Variants in CHRAC1 observed in about 807,000 individuals in gnomAD.
CHRAC1 encodes the protein chromatin accessibility complex protein 1.
A neutral mutation model predicts 9.1 loss-of-function variants in CHRAC1; 6 were observed. The observed-to-expected ratio is 0.66, with a 90% CI of 0.36 to 1.29. The LOEUF is 1.29. Among genes scored for constraint, CHRAC1 ranks in the 50% most tolerant of loss-of-function variants. The probability of loss-of-function intolerance (pLI) is 0.03; values close to 1 mark genes in which losing one functional copy is unlikely to be tolerated. For synonymous variants in CHRAC1, 73 were observed against 64.5 expected (o/e 1.13, Z -0.63); for missense variants, 168 against 163.5 (o/e 1.03, Z -0.15).
chr8:140,512,896 A>C (rs2072294481), intron 1 of CHRAC1, among the ~76,000 whole-genome samples: 1 of 152,136 alleles, frequency 6.6e-6, no homozygotes, highest in Non-Finnish European at 1.5e-5. Flanking sequence ...TGCTCACTGC[A>C]ACCTCTGCCT....
chr8:140,511,606 G>A lies in CHRAC1; in HGVS notation c.107G>A (p.Ser36Asn). Residue 36 changes from serine (S) to asparagine (N), a missense_variant, in exon 1 of 3, where the codon AGC (serine) becomes AAC (asparagine). Transcript: ENST00000220913. ...VIMKSSPEVS[S>N]INQEALVLTA... Reference sequence around the variant, plus strand: ...ATGAAGAGCTCCCCCGAGGTGTCCAGCATCAACCAGGAGGCGTTGGTGCTC... The same window carrying A: ...ATGAAGAGCTCCCCCGAGGTGTCCAACATCAACCAGGAGGCGTTGGTGCTC... 1 of 1,473,618 alleles carries A rather than the reference G, an allele frequency of 6.8e-7. No homozygotes were observed. Among genetic ancestry groups the A allele is most frequent in the Non-Finnish European group, 9.0e-7 (1 of 1,105,814 alleles). 91.3% of individuals were successfully genotyped at this position (1,473,618 alleles called of 1,614,324 possible).
In CHRAC1 at chr8:140,511,365, G is replaced by C. The variant is rs1045507874; in HGVS notation, c.-135G>C. The C allele has an allele frequency of 2.6e-6, 2 of 765,788 alleles. No homozygotes were observed. Among genetic ancestry groups the C allele is most frequent in the South Asian group, 1.2e-4 (2 of 16,010 alleles). The allele number at this position is 765,788 out of a possible 1,614,324, so 47.4% of individuals were successfully genotyped here. A position where few individuals can be genotyped will look rare whatever the true frequency, so the allele number is the denominator to read the frequency against. On this transcript the variant is annotated 5_prime_UTR_variant, in exon 1 of 3. Transcript: ENST00000220913. ...TCCCGGACGGGCCGCTCCCGGCCTC[G>C]CGGCCTCGCCTCCCCACACTACAAC...
At chr8:140,514,738 C>T (rs775335507) in intron 2 of CHRAC1, 18 of 396,992 alleles carry the variant, frequency 4.5e-5, no homozygotes, top group Admixed American at 1.9e-4. Flanking sequence ...TGGTTGGCCG[C>T]GTATGCTGGG....
chr8:140,512,579 A>G (rs1466074754), intron 1 of CHRAC1, among the ~76,000 whole-genome samples: 1 of 152,144 alleles, frequency 6.6e-6, no homozygotes, highest in African/African-American at 2.4e-5. Flanking sequence ...TAAATGCTTT[A>G]GCTTGTCTTG....
intron 1 of CHRAC1, among the ~76,000 whole-genome samples, chr8:140,513,694 T>C (rs1231419629): frequency 6.6e-6 from 1 of 151,554 alleles, no homozygotes; most frequent in Non-Finnish European, 1.5e-5. Flanking sequence ...TGGTCCGCCG[T>C]CCTTGGCCTC....
rs1316326926 is a variant in CHRAC1, at chr8:140,511,937, C to G, written c.147+291C>G. 5.6e-6 allele frequency: 7 copies of G among 1,257,238 alleles called. No homozygotes were observed. The South Asian group carries it at 7.5e-5, about 13-fold the overall frequency. 77.9% of individuals were successfully genotyped at this position (1,257,238 alleles called of 1,614,324 possible). A position where few individuals can be genotyped will look rare whatever the true frequency, so the allele number is the denominator to read the frequency against. ...CCGCCCTTTGTCGCCTTCCTTCGCT[C>G]CGCCCGCCCCTTCCTTCCGTGCGCA... On this transcript the variant is annotated intron_variant, in intron 1 of 2. Coordinates refer to ENST00000220913, the MANE Select transcript of CHRAC1 (RefSeq NM_017444.6).
Position 140,511,425 on chromosome 8 carries a change from A to C in CHRAC1, c.-75A>C. On this transcript the variant is annotated 5_prime_UTR_variant, in exon 1 of 3. Coordinates refer to ENST00000220913, the MANE Select transcript of CHRAC1 (RefSeq NM_017444.6). ...GCAGCGGGCGCGGCTCCCCGTACCC[A>C]CCAGCTGGCCGGGCAGGGCAGCCAC... is the stretch of plus-strand genomic sequence containing the variant. 2.4e-6 allele frequency: 3 copies of C among 1,238,824 alleles called. No individual in the cohort carries two copies. The highest frequency in any genetic ancestry group is 3.1e-6 in the Non-Finnish European group (3 of 967,598). The allele number at this position is 1,238,824 out of a possible 1,614,324, so 76.7% of individuals were successfully genotyped here.
chr8:140,511,920 T>C lies in CHRAC1; in HGVS notation c.147+274T>C, dbSNP rs766952343. 4 of 1,183,582 alleles carry C rather than the reference T, an allele frequency of 3.4e-6. No homozygotes were observed. The South Asian group carries it at 5.1e-5, about 15-fold the overall frequency. The allele number at this position is 1,183,582 out of a possible 1,614,324, so 73.3% of individuals were successfully genotyped here. On this transcript the variant is annotated intron_variant, in intron 1 of 2. Coordinates refer to ENST00000220913, the MANE Select transcript of CHRAC1 (RefSeq NM_017444.6). ...CCTACCGCGCGCCTCTCCCGCCCTT[T>C]GTCGCCTTCCTTCGCTCCGCCCGCC...
intron 2 of CHRAC1, 62 bp downstream of exon 2, chr8:140,514,557 C>T (rs1180394092): frequency 1.7e-5 from 23 of 1,365,652 alleles, no homozygotes; most frequent in Admixed American, 2.7e-5. Context: ...TCTTTCCCCA[C>T]CCCTTGCCTC....
At chr8:140,513,889 T>G (rs911562834) in intron 1 of CHRAC1, among the ~76,000 whole-genome samples, 2 of 150,632 alleles carry the variant, frequency 1.3e-5, no homozygotes, top group African/African-American at 4.9e-5. Flanking sequence ...TCTGACCTCA[T>G]GTTTTTCTTT....
Position 140,515,746 on chromosome 8 carries a change from C to T in CHRAC1, c.*499C>T, listed in dbSNP as rs1285248451. ...AGTTGACTGTTCAGATATTTTTCTACTGTAAAGAAATATACTTTTCTATTA... is the reference window on the plus strand; with the variant it reads ...AGTTGACTGTTCAGATATTTTTCTATTGTAAAGAAATATACTTTTCTATTA... On this transcript the variant is annotated 3_prime_UTR_variant, in exon 3 of 3. Coordinates refer to ENST00000220913, the MANE Select transcript of CHRAC1 (RefSeq NM_017444.6). 5 of 152,558 alleles carry T rather than the reference C, an allele frequency of 3.3e-5. No individual in the cohort carries two copies. The highest frequency in any genetic ancestry group is 3.3e-4 in the Admixed American group (5 of 15,312). 9.5% of individuals were successfully genotyped at this position (152,558 alleles called of 1,614,324 possible).
At chr8:140,514,602 A>C in intron 2 of CHRAC1, 107 bp downstream of exon 2, 1 of 933,148 alleles carries the variant, frequency 1.1e-6, no homozygotes, top group East Asian at 2.9e-5. Flanking sequence ...ACTTTTTGCT[A>C]CTTTTTCCAA....
chr8:140,511,528 A>G lies in CHRAC1; in HGVS notation c.29A>G (p.Lys10Arg). 2 of 1,389,038 alleles carry G rather than the reference A, an allele frequency of 1.4e-6. No individual in the cohort carries two copies. Among genetic ancestry groups the G allele is most frequent in the South Asian group, 1.7e-5 (1 of 58,868 alleles). The allele number at this position is 1,389,038 out of a possible 1,614,324, so 86.0% of individuals were successfully genotyped here. Residue 10 changes from lysine to arginine, a missense_variant, in exon 1 of 3, where the codon AAG becomes AGG. Transcript: ENST00000220913. ...GCGGACGTGGTCGTGGGTAAAGACA[A>G]GGGCGGGGAGCAGCGGCTCATCTCG... is the stretch of plus-strand genomic sequence containing the variant. MADVVVGKD[K>R]GGEQRLISLP...
intron 1 of CHRAC1, chr8:140,511,869 T>G (rs1466841106): frequency 4.7e-6 from 3 of 641,434 alleles, no homozygotes; most frequent in Non-Finnish European, 5.0e-6. Context: ...CGCCGCTCCC[T>G]CACGTTCTCC....
At position 140,516,137 on chromosome 8, in the gene CHRAC1, A is replaced by G. The variant is rs191155208; in HGVS notation, c.*890A>G. On this transcript the variant is annotated 3_prime_UTR_variant, in exon 3 of 3. Coordinates refer to ENST00000220913, the MANE Select transcript of CHRAC1 (RefSeq NM_017444.6). ...TTAGGGTAAATGTTTGGCTCCTCTC[A>G]TTTCATTATCTTTTTTTTTTTTTTT... 1 of 138,512 alleles carries G rather than the reference A, an allele frequency of 7.2e-6. No individual in the cohort carries two copies. Among genetic ancestry groups the G allele is most frequent in the Admixed American group, 8.0e-5 (1 of 12,506 alleles). The allele number at this position is 138,512 out of a possible 1,614,324, so 8.6% of individuals were successfully genotyped here.
intron 1 of CHRAC1, chr8:140,512,093 T>G: frequency 8.6e-7 from 1 of 1,165,756 alleles, no homozygotes; most frequent in Non-Finnish European, 1.1e-6. Context: ...CTCCCTCGCG[T>G]GCGGCGCTCA....
rs2072345536 is a variant in CHRAC1, at chr8:140,516,969, A to C, written c.*1722A>C. 1 of 152,238 alleles carries C rather than the reference A, an allele frequency of 6.6e-6. No homozygotes were observed. Among genetic ancestry groups the C allele is most frequent in the South Asian group, 2.1e-4 (1 of 4,838 alleles). The allele number at this position is 152,238 out of a possible 1,614,324, so 9.4% of individuals were successfully genotyped here. ...AACTCAGCTGTTGTAGCACGAAAGC[A>C]GCCAGGTAATTACTAGATGAAGGAA... On this transcript the variant is annotated 3_prime_UTR_variant, in exon 3 of 3. Coordinates refer to ENST00000220913, the MANE Select transcript of CHRAC1 (RefSeq NM_017444.6).
rs1445641910 is a variant in CHRAC1, at chr8:140,516,571, A to G, written c.*1324A>G. 6.6e-6 allele frequency: 1 copy of G among 152,254 alleles called. No individual in the cohort carries two copies. The highest frequency in any genetic ancestry group is 1.5e-5 in the Non-Finnish European group (1 of 68,044). 9.4% of individuals were successfully genotyped at this position (152,254 alleles called of 1,614,324 possible). ...TGGTTTTGTAACCAATCGATAGGAC[A>G]GTTCTGCCACCCAGGACATTCCCCT... is the stretch of plus-strand genomic sequence containing the variant. On this transcript the variant is annotated 3_prime_UTR_variant, in exon 3 of 3. Coordinates refer to ENST00000220913, the MANE Select transcript of CHRAC1 (RefSeq NM_017444.6).
chr8:140,513,603 GT>G (rs572166192), intron 1 of CHRAC1, among the ~76,000 whole-genome samples: 87 of 143,694 alleles, frequency 6.1e-4, no homozygotes, highest in Non-Finnish European at 8.5e-4. Flanking sequence ...GGCTAATTTT[GT>G]TTTTTTTTTT....
Sources: allele counts gnomAD v4.1 joint callset (sites outside exome capture counted in the v4.1 genomes callset), GRCh38; gene constraint gnomAD v4.1.1; transcripts MANE v1.5; gene names NCBI Gene and HGNC (gene_info 2026-07-23, HGNC 2026-07-21).